LYST: variants seen among roughly 807,000 people sequenced by gnomAD.
The protein encoded by LYST is lysosomal-trafficking regulator.
Under a neutral mutation model 413.6 loss-of-function variants are expected in LYST, and 192 were observed. That is an observed-to-expected ratio of 0.46 (90% CI 0.41 to 0.52). The LOEUF (loss-of-function observed/expected upper bound fraction) is 0.52. LYST is among the 20% of genes least tolerant of loss of function. The pLI is 0.00. For missense variants in LYST, 3,815 were observed against 4,499.9 expected (o/e 0.85, Z 4.35); for synonymous variants, 1,525 against 1,567.3 (o/e 0.97, Z 0.64).
upstream of LYST, among the ~76,000 whole-genome samples, chr1:235,870,818 A>G (rs1023402891): frequency 2.0e-5 from 3 of 152,356 alleles, no homozygotes; most frequent in South Asian, 2.1e-4. Flanking sequence ...AAATAGTTAA[A>G]TTAAGAAAAT....
rs1255019006 is a variant in LYST, at chr1:235,674,687, A to T, written c.11038+2404T>A. On this transcript the variant is annotated intron_variant, in intron 50 of 52. Coordinates refer to ENST00000389793, the MANE Select transcript of LYST (RefSeq NM_000081.4). This position sits in a 1 kb window ranked among gnomAD's most constrained non-coding sequence, Gnocchi z 4.1. ...GTCAGATGGCTTAGGAAAATAGAAT[A>T]GCCCTTAACATAATATTGGCCAAAA... is the stretch of plus-strand genomic sequence containing the variant. Among the ~76,000 whole-genome samples, 1 of 152,222 alleles carries T rather than the reference A, an allele frequency of 6.6e-6. No individual in the cohort carries two copies. The highest frequency in any genetic ancestry group is 2.4e-5 in the African/African-American group (1 of 41,462).
chr1:235,816,123 C>G (rs1200685196), intron 3 of LYST, among the ~76,000 whole-genome samples: 2 of 74,264 alleles, frequency 2.7e-5, no homozygotes, highest in Non-Finnish European at 4.8e-5. Context: ...AGTGAGACTC[C>G]ATCTCAAAAA....
At chr1:235,867,190 C>A (rs1680661220), upstream of LYST, among the ~76,000 whole-genome samples, 1 of 152,218 alleles carries the variant, frequency 6.6e-6, no homozygotes, top group African/African-American at 2.4e-5. Context: ...GGTCGGGGGT[C>A]GTACCCTGGG....
At chr1:235,719,407 T>C (rs770952649) in intron 40 of LYST, among the ~76,000 whole-genome samples, 1 of 152,176 alleles carries the variant, frequency 6.6e-6, no homozygotes, top group Non-Finnish European at 1.5e-5. Flanking sequence ...TATTTTCTTC[T>C]AATAAATTTA....
intron 42 of LYST, chr1:235,713,269 TATCA>T (rs1662554293): frequency 1.2e-6 from 1 of 842,418 alleles, no homozygotes; most frequent in African/African-American, 1.8e-5. Context: ...TAGAAAAAGT[TATCA>T]ATCAAAATGG....
chr1:235,868,756 C>G (rs1161687450), upstream of LYST, among the ~76,000 whole-genome samples: 3 of 152,132 alleles, frequency 2.0e-5, no homozygotes, highest in Admixed American at 2.0e-4. Context: ...AGTGCAGTGG[C>G]ACAGTCTCGG....
At chr1:235,784,131 C>T (rs1239668423) in intron 14 of LYST, among the ~76,000 whole-genome samples, 4 of 152,232 alleles carry the variant, frequency 2.6e-5, no homozygotes, top group African/African-American at 4.8e-5. Context: ...CCTTCTGCCT[C>T]GGCCTATCAA....
chr1:235,715,142 T>C (rs933300783), intron 42 of LYST, 59 bp downstream of exon 42: 3 of 1,283,150 alleles, frequency 2.3e-6, no homozygotes, highest in African/African-American at 1.5e-5. Context: ...GTTGTTGTTG[T>C]TGTTGTTGTT....
intron 3 of LYST, among the ~76,000 whole-genome samples, chr1:235,820,494 C>T (rs1343856317): frequency 6.6e-6 from 1 of 152,030 alleles, no homozygotes; most frequent in Non-Finnish European, 1.5e-5. Flanking sequence ...CCCAGCCTCC[C>T]AAGTAGCTGG....
Position 235,757,478 on chromosome 1 carries a change from A to T in LYST, c.6882-20T>A, listed in dbSNP as rs1667151092. On this transcript the variant is annotated intron_variant, in intron 23 of 52. Transcript: ENST00000389793. The stretch of plus-strand genomic sequence containing the variant: ...GTTACACTAAAACAGAGACCAAAAA[A>T]GTCTTACTAACATGACAAGAAAAGT... 2 of 1,601,700 alleles carry T rather than the reference A, an allele frequency of 1.2e-6. No homozygotes were observed. Among genetic ancestry groups the T allele is most frequent in the Admixed American group, 3.3e-5 (2 of 59,986 alleles).
At chr1:235,852,531 T>G (rs1360066573) in intron 1 of LYST, among the ~76,000 whole-genome samples, 1 of 152,210 alleles carries the variant, frequency 6.6e-6, no homozygotes, top group Non-Finnish European at 1.5e-5. Context: ...GTTTATTTTG[T>G]CTGTAAGGGC....
chr1:235,675,456 T>G (rs1659307669), intron 50 of LYST, among the ~76,000 whole-genome samples: 1 of 152,224 alleles, frequency 6.6e-6, no homozygotes, highest in South Asian at 2.1e-4. Context: ...CGGTGTGCTC[T>G]TACGATCGGT....
At chr1:235,755,740 G>A (rs1229121087) in intron 24 of LYST, 93 bp from the exon 25 acceptor site, 3 of 732,734 alleles carry the variant, frequency 4.1e-6, no homozygotes, top group Non-Finnish European at 7.1e-6. Context: ...TGTAAATTAA[G>A]TTCATATGTA....
Position 235,709,325 on chromosome 1 carries a change from A to G in LYST, c.9926-17T>C. 1 of 1,576,478 alleles carries G rather than the reference A, an allele frequency of 6.3e-7. No individual in the cohort carries two copies. Among genetic ancestry groups the G allele is most frequent in the East Asian group, 2.3e-5 (1 of 42,856 alleles). ...AATCAAAACCTAAAAGAGAAGATTA[A>G]TATTAATATTTAACTCCCCCACAGC... On this transcript the variant is annotated splice_polypyrimidine_tract_variant and intron_variant, in intron 43 of 52. Transcript: ENST00000389793.
At chr1:235,750,543 G>A (rs1666384603) in intron 28 of LYST, among the ~76,000 whole-genome samples, 1 of 152,078 alleles carries the variant, frequency 6.6e-6, no homozygotes, top group Admixed American at 6.6e-5. Context: ...GTGTGTGTGT[G>A]CATGTGTACA....
intron 39 of LYST, among the ~76,000 whole-genome samples, chr1:235,722,860 A>G (rs1663506273): frequency 6.6e-6 from 1 of 152,230 alleles, no homozygotes; most frequent in African/African-American, 2.4e-5. Context: ...GTCAAAAATA[A>G]TCATCATATA....
At chr1:235,734,056 T>C (rs1664612342) in intron 32 of LYST, 150 bp from the exon 33 acceptor site, 1 of 536,456 alleles carries the variant, frequency 1.9e-6, no homozygotes, top group African/African-American at 1.9e-5. Flanking sequence ...AAATGAACCA[T>C]CTAAACAATG....
intron 22 of LYST, among the ~76,000 whole-genome samples, chr1:235,762,295 T>TA (rs1667671857): frequency 1.3e-5 from 2 of 152,220 alleles, no homozygotes; most frequent in African/African-American, 4.8e-5. Flanking sequence ...TTGATGATGA[T>TA]AAAGTCCAAG....
chr1:235,698,327 T>C (rs902652677), intron 45 of LYST, among the ~76,000 whole-genome samples: 1 of 152,204 alleles, frequency 6.6e-6, no homozygotes, highest in African/African-American at 2.4e-5. Context: ...ATCACTGACG[T>C]ATAGACTATC....
Sources: allele counts gnomAD v4.1 joint callset (sites outside exome capture counted in the v4.1 genomes callset), GRCh38; gene constraint gnomAD v4.1.1; non-coding constraint Gnocchi (gnomAD v3.1); transcripts MANE v1.5; gene names NCBI Gene and HGNC (gene_info 2026-07-23, HGNC 2026-07-21).